CBFA2T2: variants seen among roughly 807,000 people sequenced by gnomAD.
The protein encoded by CBFA2T2 is protein CBFA2T2.
Under a neutral mutation model 62.2 loss-of-function variants are expected in CBFA2T2, and 11 were observed. That is an observed-to-expected ratio of 0.18 (90% CI 0.11 to 0.29). The LOEUF (loss-of-function observed/expected upper bound fraction) is 0.29. Among genes scored for constraint, CBFA2T2 ranks in the 10% least tolerant of loss-of-function variants. CBFA2T2 has a pLI of 1.00. For synonymous variants in CBFA2T2, 295 were observed against 287.5 expected (o/e 1.03, Z -0.27); for missense variants, 592 against 774.1 (o/e 0.76, Z 2.79).
chr20:33,529,785 C>CT lies in CBFA2T2; in HGVS notation c.34+39497dup, dbSNP rs202192301. Among the ~76,000 whole-genome samples, 175 of 76,506 alleles carry CT rather than the reference C, an allele frequency of 2.3e-3. 3 individuals carry two copies. The highest frequency in any genetic ancestry group is 2.5e-3 in the South Asian group (6 of 2,428). The allele number at this position is 76,506 out of a possible 152,430, so 50.2% of individuals were successfully genotyped here. A position where few individuals can be genotyped will look rare whatever the true frequency, so the allele number is the denominator to read the frequency against. ...TATATATATATATATATATATATTT[C>CT]TTTTTTTTTTTTTAATGAGATGGAG... is the stretch of plus-strand genomic sequence containing the variant. On this transcript the variant is annotated intron_variant, in intron 1 of 10. Transcript: ENST00000342704.
intron 10 of CBFA2T2, among the ~76,000 whole-genome samples, chr20:33,642,112 TTTTTTGTGTGTGTG>T (rs1344162748): frequency 0.013 from 935 of 74,604 alleles, 14 homozygotes; most frequent in East Asian, 0.037. Context: ...TGTCTTTTTT[TTTTTTGTGTGTGTG>T]TGTGTGTGTG....
chr20:33,490,907 T>C (rs1269309427), intron 1 of CBFA2T2, among the ~76,000 whole-genome samples: 1 of 152,160 alleles, frequency 6.6e-6, no homozygotes, highest in Non-Finnish European at 1.5e-5. Flanking sequence ...ACACACACAA[T>C]TGTGAAAACT....
At chr20:33,536,159 C>T (rs866321097) in intron 1 of CBFA2T2, among the ~76,000 whole-genome samples, 3,438 of 152,296 alleles carry the variant, frequency 0.023, 122 homozygotes, top group African/African-American at 0.078. Flanking sequence ...ATTGTCATCC[C>T]GGCCCATTCT....
At chr20:33,518,973 C>G (rs1269934889) in intron 1 of CBFA2T2, among the ~76,000 whole-genome samples, 1 of 152,024 alleles carries the variant, frequency 6.6e-6, no homozygotes, top group Non-Finnish European at 1.5e-5. Flanking sequence ...AGGCTCACAG[C>G]ACCATGCCCA....
intron 10 of CBFA2T2, among the ~76,000 whole-genome samples, chr20:33,641,116 T>C (rs1398742590): frequency 6.6e-6 from 1 of 151,878 alleles, no homozygotes; most frequent in Admixed American, 6.6e-5. Flanking sequence ...CACTGCAAGC[T>C]CCACCTCCTG....
At chr20:33,622,886 A>G (rs1272741043) in intron 4 of CBFA2T2, among the ~76,000 whole-genome samples, 4 of 152,234 alleles carry the variant, frequency 2.6e-5, no homozygotes, top group Admixed American at 6.5e-5. Context: ...ATAAGGTACA[A>G]TCTCTTCCTT....
chr20:33,564,646 A>G (rs1461156553), intron 1 of CBFA2T2, among the ~76,000 whole-genome samples: 3 of 152,002 alleles, frequency 2.0e-5, no homozygotes, highest in Non-Finnish European at 4.4e-5. Context: ...AAGCATGATC[A>G]TGGCTCACTA....
intron 1 of CBFA2T2, among the ~76,000 whole-genome samples, chr20:33,583,897 T>C (rs1399452340): frequency 6.6e-6 from 1 of 152,138 alleles, no homozygotes; most frequent in African/African-American, 2.4e-5. Flanking sequence ...CCATTGTCAT[T>C]TGGTTTAAGT....
intron 1 of CBFA2T2, among the ~76,000 whole-genome samples, chr20:33,523,251 G>A (rs1568799185): frequency 6.6e-6 from 1 of 151,932 alleles, no homozygotes; most frequent in Non-Finnish European, 1.5e-5. Flanking sequence ...GACATATTGG[G>A]ATAAATCATA....
At chr20:33,632,618 G>GC (rs1418682799) in intron 8 of CBFA2T2, among the ~76,000 whole-genome samples, 2 of 151,024 alleles carry the variant, frequency 1.3e-5, no homozygotes, top group African/African-American at 4.9e-5. Context: ...ACAAGCGCCT[G>GC]CCACCACACC....
intron 1 of CBFA2T2, among the ~76,000 whole-genome samples, chr20:33,560,436 A>G (rs2013042499): frequency 6.6e-6 from 1 of 152,214 alleles, no homozygotes; most frequent in African/African-American, 2.4e-5. Context: ...CTTTGAGACA[A>G]TAATACCTAC....
At chr20:33,527,479 TCTC>T (rs1475231204) in intron 1 of CBFA2T2, among the ~76,000 whole-genome samples, 5 of 151,548 alleles carry the variant, frequency 3.3e-5, no homozygotes, top group Non-Finnish European at 5.9e-5. Flanking sequence ...TTCAAGCAGT[TCTC>T]CTGCCTCAGC....
chr20:33,590,383 G>A (rs947430655), intron 1 of CBFA2T2, among the ~76,000 whole-genome samples: 3 of 152,090 alleles, frequency 2.0e-5, no homozygotes, highest in Admixed American at 6.6e-5. Flanking sequence ...CTTAATTAGC[G>A]GCAACTCTTA....
At chr20:33,626,048 G>A (rs1220142683) in intron 6 of CBFA2T2, among the ~76,000 whole-genome samples, 1 of 152,158 alleles carries the variant, frequency 6.6e-6, no homozygotes, top group Non-Finnish European at 1.5e-5. Flanking sequence ...CTTGCAGTGA[G>A]CCGAGATCAC....
chr20:33,538,070 G>C (rs755500721), intron 1 of CBFA2T2, among the ~76,000 whole-genome samples: 6 of 150,474 alleles, frequency 4.0e-5, no homozygotes, highest in African/African-American at 7.3e-5. Context: ...AAGAGCTGAC[G>C]TCTTAACAGT....
intron 1 of CBFA2T2, among the ~76,000 whole-genome samples, chr20:33,538,560 G>A (rs1398508362): frequency 6.6e-6 from 1 of 152,028 alleles, no homozygotes; most frequent in Non-Finnish European, 1.5e-5. Context: ...GTAGAGACAA[G>A]GTTTTACCAT....
chr20:33,577,071 T>A (rs748062727), intron 1 of CBFA2T2, among the ~76,000 whole-genome samples: 11 of 152,226 alleles, frequency 7.2e-5, no homozygotes, highest in Non-Finnish European at 1.6e-4. Context: ...AGAAATTGTT[T>A]TTCTAGCTGA....
chr20:33,616,818 C>G (rs566698256), intron 3 of CBFA2T2, among the ~76,000 whole-genome samples: 2 of 152,212 alleles, frequency 1.3e-5, no homozygotes, highest in East Asian at 3.9e-4. Flanking sequence ...AGACCAGATT[C>G]CCTCAGCATC....
At chr20:33,631,110 C>A (rs999126647) in intron 8 of CBFA2T2, among the ~76,000 whole-genome samples, 1 of 151,998 alleles carries the variant, frequency 6.6e-6, no homozygotes, top group African/African-American at 2.4e-5. Flanking sequence ...GTCAGGAGAT[C>A]GAGACCATCC....
Sources: allele counts gnomAD v4.1 joint callset (sites outside exome capture counted in the v4.1 genomes callset), GRCh38; gene constraint gnomAD v4.1.1; transcripts MANE v1.5; gene names NCBI Gene and HGNC (gene_info 2026-07-23, HGNC 2026-07-21).